Variants in HIVEP3 observed in about 807,000 individuals in gnomAD.
HIVEP3 encodes the protein transcription factor HIVEP3.
A neutral mutation model predicts 152.8 loss-of-function variants in HIVEP3; 49 were observed. That is an observed-to-expected ratio of 0.32 (90% CI 0.26 to 0.41). The LOEUF is 0.41. Among genes scored for constraint, HIVEP3 ranks in the 10% least tolerant of loss-of-function variants. The pLI is 1.00. For synonymous variants in HIVEP3, 1,269 were observed against 1,289.0 expected (o/e 0.98, Z 0.33); for missense variants, 2,790 against 3,103.3 (o/e 0.90, Z 2.40).
chr1:41,958,011 T>C (rs545821379), intron 1 of HIVEP3, among the ~76,000 whole-genome samples: 9 of 152,172 alleles, frequency 5.9e-5, no homozygotes, highest in African/African-American at 2.2e-4. Flanking sequence ...GAAGCAGAGT[T>C]TGGCATATAT....
intron 1 of HIVEP3, among the ~76,000 whole-genome samples, chr1:41,908,534 G>A (rs933314776): frequency 2.0e-5 from 3 of 152,084 alleles, no homozygotes; most frequent in Non-Finnish European, 4.4e-5. Context: ...AAATACATGT[G>A]GATATATACA....
At chr1:41,861,233 A>G (rs1395938102) in intron 1 of HIVEP3, among the ~76,000 whole-genome samples, 7 of 152,218 alleles carry the variant, frequency 4.6e-5, no homozygotes, top group African/African-American at 2.4e-5. Context: ...AGCTTGCCCG[A>G]TAAGTCCACT....
intron 1 of HIVEP3, among the ~76,000 whole-genome samples, chr1:41,902,791 C>T (rs1022186629): frequency 3.3e-5 from 5 of 152,130 alleles, no homozygotes; most frequent in African/African-American, 4.8e-5. Context: ...AGGGCCTGGA[C>T]GGTGCAGGGA....
intron 3 of HIVEP3, 142 bp downstream of exon 3, chr1:41,628,607 T>C: frequency 2.9e-6 from 2 of 678,052 alleles, no homozygotes; most frequent in South Asian, 7.9e-5. Context: ...TCACAACAAC[T>C]TTCACAGAGG....
At chr1:41,847,109 T>G (rs955837581) in intron 1 of HIVEP3, 3 of 152,244 alleles carry the variant, frequency 2.0e-5, no homozygotes, top group Admixed American at 2.0e-4. Context: ...GGCTCCATAC[T>G]TTGACATCTT....
At chr1:41,983,548 T>C (rs925430325) in intron 1 of HIVEP3, among the ~76,000 whole-genome samples, 2 of 152,112 alleles carry the variant, frequency 1.3e-5, no homozygotes, top group Non-Finnish European at 2.9e-5. Context: ...TAACTGTCTG[T>C]CTTAGCAGAA....
intron 1 of HIVEP3, among the ~76,000 whole-genome samples, chr1:41,875,780 G>C (rs554494883): frequency 6.6e-6 from 1 of 152,214 alleles, no homozygotes; most frequent in Admixed American, 6.5e-5. Flanking sequence ...CCTTGCCTTA[G>C]CAGGGTACAT....
At chr1:41,876,096 T>G (rs976984141) in intron 1 of HIVEP3, among the ~76,000 whole-genome samples, 1 of 149,060 alleles carries the variant, frequency 6.7e-6, no homozygotes, top group Non-Finnish European at 1.5e-5. Context: ...TTCCTTCTAC[T>G]TTGTTGGGGA....
intron 1 of HIVEP3, among the ~76,000 whole-genome samples, chr1:41,806,991 G>A (rs1650664607): frequency 1.3e-5 from 2 of 148,580 alleles, no homozygotes; most frequent in South Asian, 2.2e-4. Context: ...AAGCAGTGGG[G>A]GCCACAGGGT....
intron 1 of HIVEP3, among the ~76,000 whole-genome samples, chr1:41,915,933 A>T (rs1389219245): frequency 6.6e-6 from 1 of 152,206 alleles, no homozygotes. Flanking sequence ...AGGAAACAGG[A>T]TGGAGAACAG....
At chr1:41,821,937 C>T (rs1642615953) in intron 1 of HIVEP3, among the ~76,000 whole-genome samples, 1 of 152,214 alleles carries the variant, frequency 6.6e-6, no homozygotes, top group Non-Finnish European at 1.5e-5. Flanking sequence ...TCAGGATGCA[C>T]AGGCCATTTT....
At chr1:41,916,956 C>T (rs572445306) in intron 1 of HIVEP3, among the ~76,000 whole-genome samples, 2 of 152,216 alleles carry the variant, frequency 1.3e-5, no homozygotes, top group African/African-American at 4.8e-5. Flanking sequence ...CAATTACTGG[C>T]TGAAAGAGAC....
chr1:41,744,364 A>G (rs529281696), intron 1 of HIVEP3, among the ~76,000 whole-genome samples: 8 of 152,278 alleles, frequency 5.3e-5, no homozygotes, highest in Admixed American at 2.6e-4. Flanking sequence ...AATTTATGTC[A>G]CTGAACTTTT....
intron 1 of HIVEP3, among the ~76,000 whole-genome samples, chr1:42,022,408 A>G (rs1645559908): frequency 6.6e-6 from 1 of 152,142 alleles, no homozygotes; most frequent in East Asian, 1.9e-4. Context: ...CATAGATCAA[A>G]TCTTTCCTCC....
intron 1 of HIVEP3, among the ~76,000 whole-genome samples, chr1:42,029,048 C>T (rs76428702): frequency 0.017 from 2,592 of 152,310 alleles, 72 homozygotes; most frequent in African/African-American, 0.06. Context: ...CAAGAAAAAA[C>T]ACTATGCAGA....
intron 5 of HIVEP3, among the ~76,000 whole-genome samples, chr1:41,553,160 T>G (rs1194188716): frequency 2.0e-5 from 3 of 152,236 alleles, no homozygotes; most frequent in African/African-American, 7.2e-5. Context: ...TCTAAGGACT[T>G]GCTTTATGAA....
intron 2 of HIVEP3, among the ~76,000 whole-genome samples, chr1:41,655,202 C>T (rs1312541854): frequency 1.3e-5 from 2 of 152,044 alleles, no homozygotes; most frequent in Non-Finnish European, 2.9e-5. Context: ...AGGAAATTTT[C>T]CTTAGTCTGT....
chr1:41,631,819 T>A (rs1645199417), intron 2 of HIVEP3, among the ~76,000 whole-genome samples: 1 of 152,094 alleles, frequency 6.6e-6, no homozygotes, highest in South Asian at 2.1e-4. Context: ...CAGTTATTAA[T>A]CAAAATGGCC....
intron 1 of HIVEP3, among the ~76,000 whole-genome samples, chr1:41,801,780 G>C (rs769362931): frequency 5.3e-5 from 8 of 152,080 alleles, no homozygotes; most frequent in Admixed American, 3.9e-4. Flanking sequence ...AATGCCCCTA[G>C]GGGTCCAGGA....
Sources: gnomAD v4.1 joint callset for allele counts (sites outside exome capture counted in the v4.1 genomes callset) on GRCh38, gnomAD v4.1.1 for gene constraint, MANE v1.5 for transcripts, NCBI Gene and HGNC (gene_info 2026-07-23, HGNC 2026-07-21) for gene names.